SH3GL2: variants seen among roughly 807,000 people sequenced by gnomAD.
The protein encoded by SH3GL2 is endophilin-A1.
SH3GL2 carries 24 observed loss-of-function variants against 46.0 expected under a neutral mutation model. The observed-to-expected ratio is 0.52, with a 90% CI of 0.38 to 0.73. The LOEUF (loss-of-function observed/expected upper bound fraction) is 0.73. Ranked by LOEUF, SH3GL2 falls within the 30% of genes least tolerant of loss-of-function variation. The pLI is 0.00. For synonymous variants in SH3GL2, 196 were observed against 147.1 expected, an observed-to-expected ratio of 1.33 and a Z score of -2.40; for missense variants, 413 against 424.2, an observed-to-expected ratio of 0.97 and a Z score of 0.23.
chr9:17,731,905 C>A (rs140350685), intron 1 of SH3GL2, among the ~76,000 whole-genome samples: 2 of 152,042 alleles, frequency 1.3e-5, no homozygotes, highest in African/African-American at 4.8e-5. Flanking sequence ...TCCTCAGTGC[C>A]GGACATACAA....
intron 1 of SH3GL2, among the ~76,000 whole-genome samples, chr9:17,689,571 A>G (rs1221045523): frequency 6.6e-6 from 1 of 151,824 alleles, no homozygotes; most frequent in Non-Finnish European, 1.5e-5. Flanking sequence ...TGGCCCTTTC[A>G]TCTCTCTTTA....
At chr9:17,584,757 C>G (rs761971584) in intron 1 of SH3GL2, among the ~76,000 whole-genome samples, 1 of 151,994 alleles carries the variant, frequency 6.6e-6, no homozygotes, top group Non-Finnish European at 1.5e-5. Context: ...GTTGTTAATG[C>G]GCTTGAAGTC....
intron 2 of SH3GL2, among the ~76,000 whole-genome samples, chr9:17,748,581 A>G (rs1822757562): frequency 6.6e-6 from 1 of 151,992 alleles, no homozygotes; most frequent in Non-Finnish European, 1.5e-5. Context: ...AAAAAATCCT[A>G]GGTACTTTCT....
intron 1 of SH3GL2, chr9:17,591,111 C>G (rs961576410): frequency 2.0e-5 from 3 of 152,158 alleles, no homozygotes; most frequent in African/African-American, 7.2e-5. Flanking sequence ...TGTCTGAAGA[C>G]ACAGACATGT....
intron 1 of SH3GL2, among the ~76,000 whole-genome samples, chr9:17,698,885 G>A (rs976294280): frequency 3.3e-5 from 5 of 152,072 alleles, no homozygotes; most frequent in Admixed American, 2.0e-4. Context: ...GGCCAGGCGC[G>A]ATGGCTCATG....
intron 1 of SH3GL2, among the ~76,000 whole-genome samples, chr9:17,604,472 C>T (rs1204863118): frequency 1.3e-5 from 2 of 152,194 alleles, no homozygotes; most frequent in Non-Finnish European, 2.9e-5. Context: ...TTTGTTATTG[C>T]TGTTGTTACT....
chr9:17,592,695 G>A (rs1818506423), intron 1 of SH3GL2, among the ~76,000 whole-genome samples: 1 of 152,096 alleles, frequency 6.6e-6, no homozygotes, highest in Non-Finnish European at 1.5e-5. Context: ...AAGGACCATG[G>A]TATTGTGAAA....
At chr9:17,782,900 C>G (rs1823851639) in intron 3 of SH3GL2, among the ~76,000 whole-genome samples, 1 of 152,140 alleles carries the variant, frequency 6.6e-6, no homozygotes, top group Non-Finnish European at 1.5e-5. Context: ...AGGGCTGCTG[C>G]TTCAACTTCA....
At chr9:17,618,879 G>C (rs1420378442) in intron 1 of SH3GL2, among the ~76,000 whole-genome samples, 1 of 152,002 alleles carries the variant, frequency 6.6e-6, no homozygotes, top group Non-Finnish European at 1.5e-5. Context: ...TTGCAAGAGA[G>C]AGAGAGAAAG....
At chr9:17,610,622 C>G (rs573282576) in intron 1 of SH3GL2, among the ~76,000 whole-genome samples, 1 of 152,188 alleles carries the variant, frequency 6.6e-6, no homozygotes, top group South Asian at 2.1e-4. Flanking sequence ...TGTAAGGATC[C>G]CTGGCTGAAT....
chr9:17,673,399 G>GC (rs1370180665), intron 1 of SH3GL2, among the ~76,000 whole-genome samples: 7 of 150,242 alleles, frequency 4.7e-5, no homozygotes, highest in African/African-American at 1.7e-4. Flanking sequence ...CGATCTGCCT[G>GC]CCTCCCAAAG....
chr9:17,681,710 C>G (rs1012485382), intron 1 of SH3GL2, among the ~76,000 whole-genome samples: 1 of 152,104 alleles, frequency 6.6e-6, no homozygotes, highest in Admixed American at 6.6e-5. Flanking sequence ...AATGGAGGAT[C>G]TCATTAAACT....
At chr9:17,728,695 A>T (rs1202593850) in intron 1 of SH3GL2, among the ~76,000 whole-genome samples, 5 of 152,030 alleles carry the variant, frequency 3.3e-5, no homozygotes, top group Non-Finnish European at 7.4e-5. Context: ...CTCACTGTTC[A>T]GCTCCCACTT....
At chr9:17,647,255 G>A (rs1344280910) in intron 1 of SH3GL2, among the ~76,000 whole-genome samples, 1 of 152,178 alleles carries the variant, frequency 6.6e-6, no homozygotes. Context: ...TTGCTTCAAT[G>A]TGCAAAACAC....
Position 17,796,069 on chromosome 9 carries a change from C to G in SH3GL2, c.*326C>G. 1 of 268,448 alleles carries G rather than the reference C, an allele frequency of 3.7e-6. No homozygotes were observed. The highest frequency in any genetic ancestry group is 7.1e-6 in the Non-Finnish European group (1 of 140,326). The allele number at this position is 268,448 out of a possible 1,614,324, so 16.6% of individuals were successfully genotyped here. ...GAGCCATTTCACAGAAAAACCATCC[C>G]ACCGAAGATATTGTCTATCACCCCA... On this transcript the variant is annotated 3_prime_UTR_variant, in exon 9 of 9. Transcript: ENST00000380607.
intron 4 of SH3GL2, among the ~76,000 whole-genome samples, chr9:17,786,932 G>A (rs1823975864): frequency 6.6e-6 from 1 of 152,068 alleles, no homozygotes; most frequent in African/African-American, 2.4e-5. Context: ...TAGTTCTACT[G>A]CCCAAGGTGA....
At chr9:17,723,215 G>GT (rs1203054636) in intron 1 of SH3GL2, among the ~76,000 whole-genome samples, 4 of 151,928 alleles carry the variant, frequency 2.6e-5, no homozygotes, top group South Asian at 2.1e-4. Context: ...TATTTTTTAT[G>GT]TTTTTTATAT....
At chr9:17,622,997 T>A (rs533470747) in intron 1 of SH3GL2, among the ~76,000 whole-genome samples, 1 of 81,940 alleles carries the variant, frequency 1.2e-5, no homozygotes, top group African/African-American at 5.0e-5. Context: ...TTTCCTTTCC[T>A]TTCCTTTCCT....
chr9:17,687,970 A>G (rs1820966044), intron 1 of SH3GL2, among the ~76,000 whole-genome samples: 2 of 152,258 alleles, frequency 1.3e-5, no homozygotes, highest in Middle Eastern at 3.4e-3. Flanking sequence ...GTAATGCTCT[A>G]GTATTTAAAA....
Sources: allele counts gnomAD v4.1 joint callset (sites outside exome capture counted in the v4.1 genomes callset), GRCh38; gene constraint gnomAD v4.1.1; transcripts MANE v1.5; gene names NCBI Gene and HGNC (gene_info 2026-07-23, HGNC 2026-07-21).